The following TULP4 variants were observed in gnomAD, a reference collection of about 807,000 sequenced individuals.
The protein encoded by TULP4 is tubby-related protein 4.
In TULP4, 16 loss-of-function variants were observed where a neutral mutation model predicts 129.0. The ratio of observed to expected loss-of-function variants is 0.12; its 90% CI spans 0.08 to 0.19. The LOEUF (loss-of-function observed/expected upper bound fraction) is 0.19. Among genes scored for constraint, TULP4 ranks in the 10% least tolerant of loss-of-function variants. The probability of loss-of-function intolerance (pLI) is 1.00; values close to 1 mark genes in which losing one functional copy is unlikely to be tolerated. For missense variants in TULP4, 1,842 were observed against 2,059.1 expected (o/e 0.89, Z 2.04); for synonymous variants, 998 against 854.0 (o/e 1.17, Z -2.94).
intron 1 of TULP4, among the ~76,000 whole-genome samples, chr6:158,347,772 C>T (rs547891028): frequency 3.2e-4 from 49 of 152,334 alleles, no homozygotes; most frequent in African/African-American, 1.1e-3. Context: ...TGACTTCCTC[C>T]GGCCTTCCCT....
At chr6:158,294,802 G>A (rs112940750) in intron 1 of TULP4, among the ~76,000 whole-genome samples, 2 of 152,084 alleles carry the variant, frequency 1.3e-5, no homozygotes, top group African/African-American at 4.8e-5. Flanking sequence ...CGTGATCTCA[G>A]CTTACTGAAA....
At chr6:158,345,188 G>A (rs1780271644) in intron 1 of TULP4, among the ~76,000 whole-genome samples, 1 of 152,196 alleles carries the variant, frequency 6.6e-6, no homozygotes, top group African/African-American at 2.4e-5. Context: ...TAACATAAAA[G>A]TGCAGGGTGA....
At chr6:158,328,262 C>G (rs1779795495) in intron 1 of TULP4, among the ~76,000 whole-genome samples, 1 of 151,914 alleles carries the variant, frequency 6.6e-6, no homozygotes, top group Non-Finnish European at 1.5e-5. Flanking sequence ...ACTCAGTCCT[C>G]ACATCAGCTC....
intron 1 of TULP4, among the ~76,000 whole-genome samples, chr6:158,325,086 C>T (rs1379412034): frequency 6.6e-6 from 1 of 152,116 alleles, no homozygotes; most frequent in Non-Finnish European, 1.5e-5. Flanking sequence ...GGCCGTATTC[C>T]AAGACCATAA....
At chr6:158,377,318 G>A (rs1433247313) in intron 1 of TULP4, among the ~76,000 whole-genome samples, 1 of 152,192 alleles carries the variant, frequency 6.6e-6, no homozygotes, top group Admixed American at 6.5e-5. Flanking sequence ...GATTTTATAT[G>A]TGCCAGGTAT....
At chr6:158,465,815 A>G (rs1002921529) in intron 6 of TULP4, among the ~76,000 whole-genome samples, 1 of 152,208 alleles carries the variant, frequency 6.6e-6, no homozygotes, top group South Asian at 2.1e-4. Flanking sequence ...AAAATGTGGA[A>G]TATCTTGAAA....
chr6:158,442,449 G>T (rs1778918746), intron 3 of TULP4, among the ~76,000 whole-genome samples: 1 of 151,796 alleles, frequency 6.6e-6, no homozygotes, highest in Non-Finnish European at 1.5e-5. Flanking sequence ...CTTTGCAGAG[G>T]ATAGGATGTT....
At chr6:158,498,524 CTCTCA>C in intron 11 of TULP4, 140 bp from the exon 12 acceptor site, 1 of 956,182 alleles carries the variant, frequency 1.0e-6, no homozygotes, top group Non-Finnish European at 1.6e-6. Context: ...TGAAGAGCTC[CTCTCA>C]GCCTCTGGGC....
At chr6:158,443,093 TC>T (rs1263415037) in intron 3 of TULP4, among the ~76,000 whole-genome samples, 2 of 152,048 alleles carry the variant, frequency 1.3e-5, no homozygotes, top group Non-Finnish European at 2.9e-5. Context: ...AAGCGATTCT[TC>T]TGCCTCAGCC....
intron 6 of TULP4, among the ~76,000 whole-genome samples, chr6:158,465,164 A>G (rs1488566776): frequency 6.6e-6 from 1 of 152,208 alleles, no homozygotes; most frequent in Non-Finnish European, 1.5e-5. Flanking sequence ...AGCCTGAACT[A>G]GTTTTCTAGA....
chr6:158,349,873 G>A lies in TULP4; in HGVS notation c.252+35605G>A, dbSNP rs1479184107. Among the ~76,000 whole-genome samples, 15 of 139,090 alleles carry A rather than the reference G, an allele frequency of 1.1e-4. 1 individual carries two copies. Among genetic ancestry groups the A allele is most frequent in the East Asian group, 2.2e-4 (1 of 4,520 alleles). 91.2% of individuals were successfully genotyped at this position (139,090 alleles called of 152,430 possible). A position where few individuals can be genotyped will look rare whatever the true frequency, so the allele number is the denominator to read the frequency against. The stretch of plus-strand genomic sequence containing the variant: ...TCCTCACCTCCCAGACGGGGCGGCC[G>A]GGCAGAGACGCTCCTCACCTCCTAG... On this transcript the variant is annotated intron_variant, in intron 1 of 13. Transcript: ENST00000367097.
chr6:158,404,735 C>T (rs148145017), intron 1 of TULP4, among the ~76,000 whole-genome samples: 1,678 of 147,484 alleles, frequency 0.011, 10 homozygotes, highest in Non-Finnish European at 0.018. Context: ...GAGATTGCAC[C>T]ACTGCACTCC....
At chr6:158,300,208 A>T (rs990803486) in intron 1 of TULP4, among the ~76,000 whole-genome samples, 4 of 152,112 alleles carry the variant, frequency 2.6e-5, no homozygotes, top group African/African-American at 4.8e-5. Context: ...GGGATTGATG[A>T]TCTCCTGGTG....
At chr6:158,325,095 A>G (rs1263009857) in intron 1 of TULP4, among the ~76,000 whole-genome samples, 1 of 152,210 alleles carries the variant, frequency 6.6e-6, no homozygotes, top group Non-Finnish European at 1.5e-5. Flanking sequence ...CCAAGACCAT[A>G]AGAAGACTCT....
intron 1 of TULP4, among the ~76,000 whole-genome samples, chr6:158,302,196 A>AT (rs1779144172): frequency 1.3e-5 from 2 of 152,260 alleles, no homozygotes; most frequent in African/African-American, 4.8e-5. Context: ...AAGCTGGCAG[A>AT]TGGTAGGGCT....
At chr6:158,277,823 A>G (rs916286492), upstream of TULP4, among the ~76,000 whole-genome samples, 4 of 152,212 alleles carry the variant, frequency 2.6e-5, no homozygotes, top group African/African-American at 9.6e-5. Flanking sequence ...TCCCTGTAAC[A>G]GTCCCAGGTA....
At chr6:158,242,453 G>T in intron 1 of TULP4, 1 of 999,922 alleles carries the variant, frequency 1.0e-6, no homozygotes, top group Non-Finnish European at 1.6e-6. Context: ...ATTCATCATA[G>T]TGTTCCAAAC....
In TULP4 at chr6:158,503,554, C is replaced by T. The variant is rs1032162380; in HGVS notation, c.3891C>T (p.Ala1297=). The T allele has an allele frequency of 6.8e-6, 11 of 1,613,844 alleles. No individual in the cohort carries two copies. The East Asian group carries it at 1.1e-4, about 16-fold the overall frequency. Reference sequence around the variant, plus strand: ...AGCCCCTTGTGTCCCCACCACCTGCCGACCTCCAAAGCCACTTGGGCACAG... The same window carrying T: ...AGCCCCTTGTGTCCCCACCACCTGCTGACCTCCAAAGCCACTTGGGCACAG... The part of the protein sequence containing the change: ...VEKPLVSPPP[A]DLQSHLGTEV... Residue 1297 remains alanine (A), a synonymous_variant, in exon 13 of 14, where the codon GCC becomes GCT. Coordinates refer to ENST00000367097, the MANE Select transcript of TULP4 (RefSeq NM_020245.5). This position sits in a 1 kb window ranked among gnomAD's most constrained non-coding sequence, Gnocchi z 4.3.
chr6:158,244,325 C>T (rs1024828057), intron 1 of TULP4, among the ~76,000 whole-genome samples: 2 of 152,126 alleles, frequency 1.3e-5, no homozygotes, highest in Admixed American at 1.3e-4. Context: ...GTGCAATAAA[C>T]AAAATGTTCA....
Sources: allele counts gnomAD v4.1 joint callset (sites outside exome capture counted in the v4.1 genomes callset), GRCh38; gene constraint gnomAD v4.1.1; non-coding constraint Gnocchi (gnomAD v3.1); transcripts MANE v1.5; gene names NCBI Gene and HGNC (gene_info 2026-07-23, HGNC 2026-07-21).